Variants in NCAM2 observed in about 807,000 individuals in gnomAD.
NCAM2 encodes neural cell adhesion molecule 2.
A neutral mutation model predicts 98.1 loss-of-function variants in NCAM2; 30 were observed. The observed-to-expected ratio is 0.31, with a 90% CI of 0.23 to 0.41. The LOEUF (loss-of-function observed/expected upper bound fraction) is 0.41. Among genes scored for constraint, NCAM2 ranks in the 10% least tolerant of loss-of-function variants. The probability of loss-of-function intolerance (pLI) is 1.00; values close to 1 mark genes in which losing one functional copy is unlikely to be tolerated. For missense variants in NCAM2, 867 were observed against 1,005.8 expected (o/e 0.86, Z 1.87); for synonymous variants, 368 against 342.4 (o/e 1.07, Z -0.83).
At chr21:21,146,521 A>G (rs887664291) in intron 1 of NCAM2, among the ~76,000 whole-genome samples, 5 of 146,118 alleles carry the variant, frequency 3.4e-5, no homozygotes, top group Non-Finnish European at 6.0e-5. Flanking sequence ...GTGTGTGTAT[A>G]TGTGATTATA....
chr21:21,291,968 C>CA (rs2073314093), intron 4 of NCAM2, 136 bp from the exon 5 acceptor site: 1 of 737,208 alleles, frequency 1.4e-6, no homozygotes, highest in Non-Finnish European at 2.0e-6. Context: ...ATTTTACTTT[C>CA]AAATTTGAAT....
At chr21:21,235,365 T>C (rs1359650694) in intron 1 of NCAM2, among the ~76,000 whole-genome samples, 1 of 152,052 alleles carries the variant, frequency 6.6e-6, no homozygotes, top group Admixed American at 6.6e-5. Flanking sequence ...TTTTATTTAT[T>C]TCTTCTCTGA....
chr21:21,318,624 A>T (rs2074287354), intron 5 of NCAM2, among the ~76,000 whole-genome samples: 1 of 152,220 alleles, frequency 6.6e-6, no homozygotes, highest in South Asian at 2.1e-4. Flanking sequence ...TCTACTGAGG[A>T]CATTTCAAAA....
At chr21:21,111,701 CTT>C (rs2066458067) in intron 1 of NCAM2, among the ~76,000 whole-genome samples, 2 of 152,098 alleles carry the variant, frequency 1.3e-5, no homozygotes, top group South Asian at 4.1e-4. Context: ...TTAAAGTTCT[CTT>C]TTATTTCTTT....
In NCAM2 at chr21:21,168,738, A is replaced by T. The variant is rs78400563; in HGVS notation, c.56-111840A>T. Among the ~76,000 whole-genome samples the T allele has an allele frequency of 0.01, 1,539 of 152,326 alleles. 67 individuals are homozygous for T. In the East Asian group the frequency reaches 0.16, roughly 16 times the overall value. On this transcript the variant is annotated intron_variant, in intron 1 of 17. Transcript: ENST00000400546. ...AAATATTAGAGTATAAATCTAAAAAAGTCTAAGAGCCATATGAAGACAACT... is the reference window on the plus strand; with the variant it reads ...AAATATTAGAGTATAAATCTAAAAATGTCTAAGAGCCATATGAAGACAACT...
chr21:21,321,525 T>A (rs552519017), intron 5 of NCAM2, among the ~76,000 whole-genome samples: 8 of 152,284 alleles, frequency 5.3e-5, no homozygotes, highest in African/African-American at 1.4e-4. Context: ...AAGTTTTTTT[T>A]ATATATACTT....
chr21:21,331,517 C>CTCTCTCTCTCTATA lies in NCAM2; in HGVS notation c.738-3987_738-3986insCTCTCTCTCTATAT, dbSNP rs1483062198. Among the ~76,000 whole-genome samples the CTCTCTCTCTCTATA allele has an allele frequency of 2.9e-4, 2 of 6,938 alleles. 1 individual carries two copies. The highest frequency in any genetic ancestry group is 0.015 in the South Asian group (2 of 130). 4.6% of individuals were successfully genotyped at this position (6,938 alleles called of 152,430 possible). A position where few individuals can be genotyped will look rare whatever the true frequency, so the allele number is the denominator to read the frequency against. On this transcript the variant is annotated intron_variant, in intron 6 of 17. Coordinates refer to ENST00000400546, the MANE Select transcript of NCAM2 (RefSeq NM_004540.5). Reference sequence around the variant, plus strand: ...TATATATACTCTATACTCTCTCTCTCTATATATATATATATATACTCTATA... The same window carrying CTCTCTCTCTCTATA: ...TATATATACTCTATACTCTCTCTCTCTCTCTCTCTCTATATATATATATATATATATACTCTATA...
At position 21,513,470 on chromosome 21, in the gene NCAM2, T is replaced by A. The variant is rs548065728; in HGVS notation, c.2282+4415T>A. Among the ~76,000 whole-genome samples the A allele has an allele frequency of 3.3e-3, 507 of 151,826 alleles. 4 individuals carry two copies. Among genetic ancestry groups the A allele is most frequent in the African/African-American group, 0.012 (486 of 41,378 alleles). ...GACTTAATGGTCATTCAGGAGCATA[T>A]TTTTTTTAATTTCCATGTGTTTCTA... On this transcript the variant is annotated intron_variant, in intron 16 of 17. Coordinates refer to ENST00000400546, the MANE Select transcript of NCAM2 (RefSeq NM_004540.5).
chr21:21,047,503 A>C (rs540168740), intron 1 of NCAM2, among the ~76,000 whole-genome samples: 89 of 152,328 alleles, frequency 5.8e-4, no homozygotes, highest in African/African-American at 1.9e-3. Context: ...AAAACAAGAA[A>C]GTATTCAACT....
At chr21:21,197,285 A>G (rs967837722) in intron 1 of NCAM2, among the ~76,000 whole-genome samples, 3 of 152,068 alleles carry the variant, frequency 2.0e-5, no homozygotes, top group Admixed American at 6.6e-5. Flanking sequence ...GCCCAGCACC[A>G]CGCCTGGCTA....
intron 15 of NCAM2, among the ~76,000 whole-genome samples, chr21:21,506,046 C>G (rs1366425588): frequency 6.6e-6 from 1 of 151,886 alleles, no homozygotes; most frequent in Non-Finnish European, 1.5e-5. Context: ...CAAGAATCTT[C>G]ATACTTAGGA....
At chr21:21,403,505 A>G (rs1284449901) in intron 9 of NCAM2, among the ~76,000 whole-genome samples, 3 of 152,174 alleles carry the variant, frequency 2.0e-5, no homozygotes, top group Non-Finnish European at 2.9e-5. Flanking sequence ...CAAACTCTCA[A>G]TGTGCCAGTT....
chr21:21,279,523 T>C (rs2072852594), intron 1 of NCAM2, among the ~76,000 whole-genome samples: 2 of 152,010 alleles, frequency 1.3e-5, no homozygotes, highest in Admixed American at 6.6e-5. Context: ...CACACCCAGC[T>C]AATTTTTGCA....
At chr21:21,420,277 A>G (rs2077084472) in intron 11 of NCAM2, among the ~76,000 whole-genome samples, 1 of 152,212 alleles carries the variant, frequency 6.6e-6, no homozygotes, top group South Asian at 2.1e-4. Context: ...ACTTAAAGAT[A>G]TAGAAATAAC....
intron 1 of NCAM2, among the ~76,000 whole-genome samples, chr21:21,143,341 GTTCT>G (rs1369135530): frequency 1.2e-4 from 19 of 152,084 alleles, no homozygotes; most frequent in African/African-American, 4.1e-4. Flanking sequence ...TATTTTAGGT[GTTCT>G]TTATTAAACA....
At chr21:21,203,800 T>C (rs2069329387) in intron 1 of NCAM2, among the ~76,000 whole-genome samples, 1 of 152,122 alleles carries the variant, frequency 6.6e-6, no homozygotes, top group Non-Finnish European at 1.5e-5. Flanking sequence ...GGTATTGAGA[T>C]CTTTTTATGT....
chr21:21,475,741 T>G (rs1466415771), intron 14 of NCAM2, among the ~76,000 whole-genome samples: 2 of 152,176 alleles, frequency 1.3e-5, no homozygotes, highest in African/African-American at 4.8e-5. Context: ...ATTGATAACT[T>G]GTAGTGCTTG....
chr21:21,414,395 T>C (rs920926044), intron 10 of NCAM2, among the ~76,000 whole-genome samples: 1 of 152,188 alleles, frequency 6.6e-6, no homozygotes, highest in Non-Finnish European at 1.5e-5. Flanking sequence ...TCAGTTGACT[T>C]TTCCCAGATC....
At chr21:21,424,471 G>C (rs1031391921) in intron 11 of NCAM2, among the ~76,000 whole-genome samples, 2 of 152,262 alleles carry the variant, frequency 1.3e-5, no homozygotes, top group East Asian at 3.9e-4. Context: ...ATTCTGATTG[G>C]AGTTCTTGGA....
Sources: gnomAD v4.1 joint callset for allele counts (sites outside exome capture counted in the v4.1 genomes callset) on GRCh38, gnomAD v4.1.1 for gene constraint, MANE v1.5 for transcripts, NCBI Gene and HGNC (gene_info 2026-07-23, HGNC 2026-07-21) for gene names.